Variants in DENND5B observed in about 807,000 individuals in gnomAD.
DENND5B encodes DENN domain containing 5B, also known as DENN domain-containing protein 5B.
Under a neutral mutation model 140.6 loss-of-function variants are expected in DENND5B, and 34 were observed. That is an observed-to-expected ratio of 0.24 (90% CI 0.18 to 0.32). DENND5B has a LOEUF of 0.32. Among genes scored for constraint, DENND5B ranks in the 10% least tolerant of loss-of-function variants. DENND5B has a pLI of 1.00. For synonymous variants in DENND5B, 551 were observed against 562.1 expected, an observed-to-expected ratio of 0.98 and a Z score of 0.28; for missense variants, 1,142 against 1,560.2, an observed-to-expected ratio of 0.73 and a Z score of 4.52.
At chr12:31,412,854 T>C (rs949389244) in intron 13 of DENND5B, among the ~76,000 whole-genome samples, 1 of 152,216 alleles carries the variant, frequency 6.6e-6, no homozygotes, top group Non-Finnish European at 1.5e-5. Context: ...TATAAATTCA[T>C]CCGATCTTTT....
At chr12:31,531,256 AT>A in intron 1 of DENND5B, among the ~76,000 whole-genome samples, 1 of 151,884 alleles carries the variant, frequency 6.6e-6, no homozygotes, top group East Asian at 1.9e-4. Flanking sequence ...CTGGAGTGCA[AT>A]GGCGCAGTCT....
At chr12:31,418,282 C>CTTTTT (rs66507414) in intron 11 of DENND5B, among the ~76,000 whole-genome samples, 1 of 133,066 alleles carries the variant, frequency 7.5e-6, no homozygotes, top group Non-Finnish European at 1.6e-5. Flanking sequence ...TTTTTCTTTT[C>CTTTTT]TTTTTTTTTT....
chr12:31,418,133 T>C (rs929078194), intron 11 of DENND5B, among the ~76,000 whole-genome samples: 4 of 152,150 alleles, frequency 2.6e-5, no homozygotes, highest in Admixed American at 2.6e-4. Flanking sequence ...AATAGGACAT[T>C]TGTTGTGGCG....
At chr12:31,499,428 G>A (rs1480151993) in intron 1 of DENND5B, among the ~76,000 whole-genome samples, 3 of 152,178 alleles carry the variant, frequency 2.0e-5, no homozygotes, top group African/African-American at 7.2e-5. Flanking sequence ...TGTTTTCAAG[G>A]CTTGAAGCAA....
intron 1 of DENND5B, among the ~76,000 whole-genome samples, chr12:31,589,226 A>G (rs1950513418): frequency 1.3e-5 from 2 of 152,154 alleles, no homozygotes; most frequent in Admixed American, 6.5e-5. Context: ...ATATTCCTTC[A>G]CCAATCTCGA....
intron 12 of DENND5B, 139 bp from the exon 13 acceptor site, chr12:31,413,703 T>C (rs1942585678): frequency 1.0e-6 from 1 of 978,886 alleles, no homozygotes; most frequent in Non-Finnish European, 1.4e-6. Context: ...TGATGTTGAT[T>C]AAATCTTTGA....
rs71445806 is a variant in DENND5B at position 31,576,141 on chromosome 12, C to CA, written c.127+14564dup. Among the ~76,000 whole-genome samples, 64 of 24,586 alleles carry CA rather than the reference C, an allele frequency of 2.6e-3. 1 individual carries two copies. The highest frequency in any genetic ancestry group is 5.1e-3 in the East Asian group (4 of 786). 16.1% of individuals were successfully genotyped at this position (24,586 alleles called of 152,430 possible). A position where few individuals can be genotyped will look rare whatever the true frequency, so the allele number is the denominator to read the frequency against. On this transcript the variant is annotated intron_variant, in intron 1 of 20. Transcript: ENST00000389082. ...GTGTGACAGAGCAAGGCTCTGTCTC[C>CA]AAAAAAAAAAAAAAAAAGAAGAATG... is the stretch of plus-strand genomic sequence containing the variant.
rs1477228213 is a variant in DENND5B at position 31,415,372 on chromosome 12, G to A, written c.2547C>T (p.Asp849=). The change falls in exon 12 of 21, where the codon GAC becomes GAT. Residue 849 remains aspartate, a synonymous_variant. Coordinates refer to ENST00000389082, the MANE Select transcript of DENND5B (RefSeq NM_144973.4). The part of the protein sequence containing the change: ...LPTLRVSLIQ[D]MRHIQNMSEI... ...CATGTATTAATAACAAATACCTCAT[G>A]TCCTGAATAAGAGAGACCCTGAGCG... 6.2e-7 allele frequency: 1 copy of A among 1,606,722 alleles called. No individual in the cohort carries two copies. The highest frequency in any genetic ancestry group is 1.7e-5 in the Admixed American group (1 of 59,356).
chr12:31,547,338 T>C (rs538718874), intron 1 of DENND5B, among the ~76,000 whole-genome samples: 8 of 152,332 alleles, frequency 5.3e-5, no homozygotes, highest in Admixed American at 1.3e-4. Context: ...GGAGCAGGCA[T>C]TGAAGTATTT....
chr12:31,565,567 G>A (rs191231909), intron 1 of DENND5B, among the ~76,000 whole-genome samples: 1 of 152,260 alleles, frequency 6.6e-6, no homozygotes, highest in East Asian at 1.9e-4. Context: ...TTTAGAATGT[G>A]ATTTAGGTTA....
At chr12:31,549,989 G>A (rs958377206) in intron 1 of DENND5B, among the ~76,000 whole-genome samples, 3 of 151,782 alleles carry the variant, frequency 2.0e-5, no homozygotes, top group Admixed American at 2.0e-4. Flanking sequence ...TAATGGGATT[G>A]TTGGGTCAAA....
chr12:31,540,597 T>C, intron 1 of DENND5B, among the ~76,000 whole-genome samples: 1 of 151,804 alleles, frequency 6.6e-6, no homozygotes, highest in East Asian at 1.9e-4. Context: ...GAGGTTGTAG[T>C]GAGCCAAGAC....
chr12:31,474,023 T>C lies in DENND5B; in HGVS notation c.904+5566A>G, dbSNP rs190075302. On this transcript the variant is annotated intron_variant, in intron 3 of 20. Coordinates refer to ENST00000389082, the MANE Select transcript of DENND5B (RefSeq NM_144973.4). Reference sequence around the variant, plus strand: ...ATGGCAGTTCCAAGGAGAACTATGATGTCCACTTGAGCATGCCTAGCAATT... The same window carrying C: ...ATGGCAGTTCCAAGGAGAACTATGACGTCCACTTGAGCATGCCTAGCAATT... 8.5e-5 allele frequency among the ~76,000 whole-genome samples: 13 copies of C among 152,336 alleles called. No individual in the cohort carries two copies. The East Asian group carries it at 2.5e-3, about 29-fold the overall frequency.
At chr12:31,390,651 A>G (rs1394290139) in intron 19 of DENND5B, among the ~76,000 whole-genome samples, 3 of 151,958 alleles carry the variant, frequency 2.0e-5, no homozygotes, top group African/African-American at 7.3e-5. Context: ...AACAAAAAAA[A>G]TTAAATAGAT....
chr12:31,466,388 G>A (rs1194877172), intron 3 of DENND5B, among the ~76,000 whole-genome samples: 5 of 151,408 alleles, frequency 3.3e-5, no homozygotes, highest in East Asian at 2.0e-4. Context: ...GGAAGATTGA[G>A]CAAGACAGAT....
intron 1 of DENND5B, among the ~76,000 whole-genome samples, chr12:31,529,733 A>T (rs1048685761): frequency 2.6e-5 from 4 of 151,332 alleles, no homozygotes; most frequent in East Asian, 1.9e-4. Context: ...TTTAAAAATA[A>T]TTTTTTTTAA....
At chr12:31,435,418 C>A (rs1943700670) in intron 7 of DENND5B, among the ~76,000 whole-genome samples, 1 of 152,130 alleles carries the variant, frequency 6.6e-6, no homozygotes, top group Non-Finnish European at 1.5e-5. Context: ...TCTTTTCAAC[C>A]CGCTCCATTA....
intron 1 of DENND5B, among the ~76,000 whole-genome samples, chr12:31,550,987 A>G (rs1481498752): frequency 3.3e-5 from 5 of 152,026 alleles, no homozygotes; most frequent in Admixed American, 6.6e-5. Context: ...AGTAGGTTGC[A>G]AAAATTTTCT....
intron 8 of DENND5B, chr12:31,426,727 A>G (rs543966062): frequency 7.6e-6 from 2 of 262,340 alleles, no homozygotes; most frequent in South Asian, 9.1e-5. Context: ...AAGGTTGTGA[A>G]GTCAGGACTG....
Sources: allele counts gnomAD v4.1 joint callset (sites outside exome capture counted in the v4.1 genomes callset), GRCh38; gene constraint gnomAD v4.1.1; transcripts MANE v1.5; gene names NCBI Gene and HGNC (gene_info 2026-07-23, HGNC 2026-07-21).